NARF: variants seen among roughly 807,000 people sequenced by gnomAD.
NARF encodes the protein nuclear prelamin A recognition factor.
In NARF, 41 loss-of-function variants were observed where a neutral mutation model predicts 48.0. The ratio of observed to expected loss-of-function variants is 0.85; its 90% confidence interval spans 0.66 to 1.11. NARF has a LOEUF of 1.11. Among genes scored for constraint, NARF ranks in the 50% least tolerant of loss-of-function variants. The probability of loss-of-function intolerance (pLI) is 0.00; values close to 1 mark genes in which losing one functional copy is unlikely to be tolerated. For synonymous variants in NARF, 215 were observed against 225.5 expected (o/e 0.95, Z 0.42); for missense variants, 613 against 590.2 (o/e 1.04, Z -0.40).
Position 82,488,561 on chromosome 17 carries a change from G to C in NARF, c.*404G>C, listed in dbSNP as rs1269103100. The C allele has an allele frequency of 5.7e-6, 1 of 174,322 alleles. No individual in the cohort carries two copies. Among genetic ancestry groups the C allele is most frequent in the African/African-American group, 2.4e-5 (1 of 41,974 alleles). 10.8% of individuals were successfully genotyped at this position (174,322 alleles called of 1,614,324 possible). The stretch of plus-strand genomic sequence containing the variant: ...AGCTAATTTTTGTATTTTTAGTAGA[G>C]ATGGGGTTTCACTATGTTGGCCAGG... On this transcript the variant is annotated 3_prime_UTR_variant, in exon 11 of 11. Coordinates refer to ENST00000309794, the MANE Select transcript of NARF (RefSeq NM_012336.4).
intron 3 of NARF, among the ~76,000 whole-genome samples, 189 bp downstream of exon 3, chr17:82,464,619 C>T (rs1265093885): frequency 2.6e-5 from 4 of 152,218 alleles, no homozygotes; most frequent in African/African-American, 9.6e-5. Context: ...CGCACAATTT[C>T]CTGCTCCCTT....
At chr17:82,483,630 G>A in intron 7 of NARF, 86 bp from the exon 8 acceptor site, 2 of 1,273,592 alleles carry the variant, frequency 1.6e-6, no homozygotes, top group Non-Finnish European at 2.3e-6. Context: ...GTCACCCAGG[G>A]TCACTAATGT....
chr17:82,471,871 C>T (rs1046766405), intron 4 of NARF, among the ~76,000 whole-genome samples: 1 of 151,188 alleles, frequency 6.6e-6, no homozygotes, highest in Non-Finnish European at 1.5e-5. Flanking sequence ...AGAACCATCA[C>T]AGACTGAAAT....
intron 7 of NARF, chr17:82,481,694 C>T (rs1305088208): frequency 2.5e-6 from 1 of 402,850 alleles, no homozygotes; most frequent in Non-Finnish European, 4.8e-6. Flanking sequence ...CGCGCCATTA[C>T]CCTCCAGCCT....
At position 82,490,514 on chromosome 17, in the gene NARF, T is replaced by G. The variant is rs2044176666; in HGVS notation, c.*2357T>G. On this transcript the variant is annotated 3_prime_UTR_variant, in exon 11 of 11. Coordinates refer to ENST00000309794, the MANE Select transcript of NARF (RefSeq NM_012336.4). ...TACAGTTGGGTTTCCAACCTCTGAT[T>G]CTGGAATAAACAGTTGCAGCGTGTC... is the stretch of plus-strand genomic sequence containing the variant. 6.6e-6 allele frequency: 1 copy of G among 152,288 alleles called. No homozygotes were observed. Among genetic ancestry groups the G allele is most frequent in the Non-Finnish European group, 1.5e-5 (1 of 68,054 alleles). The allele number at this position is 152,288 out of a possible 1,614,324, so 9.4% of individuals were successfully genotyped here.
At chr17:82,471,986 TGA>T (rs1484749061) in intron 4 of NARF, among the ~76,000 whole-genome samples, 2 of 151,996 alleles carry the variant, frequency 1.3e-5, no homozygotes, top group African/African-American at 4.8e-5. Flanking sequence ...GGAAGAAGCA[TGA>T]GAGAGAACAT....
chr17:82,484,063 C>T (rs1334569212), intron 8 of NARF: 7 of 392,758 alleles, frequency 1.8e-5, no homozygotes, highest in South Asian at 2.9e-5. Context: ...GCTTTGTCCT[C>T]GCTGGCGCAG....
intron 5 of NARF, 31 bp downstream of exon 5, chr17:82,472,729 T>G (rs559526729): frequency 6.3e-7 from 1 of 1,593,280 alleles, no homozygotes; most frequent in African/African-American, 1.4e-5. Flanking sequence ...TCTGTTGGCC[T>G]GAGGTGCCAA....
At chr17:82,464,496 G>C in intron 3 of NARF, 66 bp downstream of exon 3, 1 of 1,544,334 alleles carries the variant, frequency 6.5e-7, no homozygotes. Context: ...GTGAGGCCTG[G>C]CTTCCTGCAC....
chr17:82,483,367 T>G, intron 7 of NARF: 1 of 305,664 alleles, frequency 3.3e-6, no homozygotes, highest in Non-Finnish European at 6.5e-6. Flanking sequence ...CCTATCTCTG[T>G]GAGCTTGTTA....
intron 4 of NARF, among the ~76,000 whole-genome samples, chr17:82,472,252 G>T (rs1034335725): frequency 6.6e-6 from 1 of 152,172 alleles, no homozygotes; most frequent in Non-Finnish European, 1.5e-5. Flanking sequence ...GGAGGCCAAG[G>T]TGGGTAGATC....
rs72859134 is a variant in NARF, at chr17:82,477,868, A to G, written c.521-932A>G. On this transcript the variant is annotated intron_variant, in intron 5 of 10. Coordinates refer to ENST00000309794, the MANE Select transcript of NARF (RefSeq NM_012336.4). ...GTGTCTCTGTGGGTGTTTCCTGAGC[A>G]CACACGGGCGTCTTTATAGGTGAAA... The G allele has an allele frequency of 5.1e-3, 775 of 152,286 alleles. 4 individuals carry two copies. Among genetic ancestry groups the G allele is most frequent in the Non-Finnish European group, 8.7e-3 (594 of 68,052 alleles). 9.4% of individuals were successfully genotyped at this position (152,286 alleles called of 1,614,324 possible).
chr17:82,482,331 TG>T (rs753631875), intron 7 of NARF: 8 of 315,510 alleles, frequency 2.5e-5, no homozygotes, highest in African/African-American at 1.5e-4. Context: ...GCAGGGGTGT[TG>T]AAGGATGAGG....
chr17:82,478,809 G>A lies in NARF; in HGVS notation c.530G>A (p.Arg177Gln), dbSNP rs776636178. 4.3e-6 allele frequency: 7 copies of A among 1,613,578 alleles called. No individual in the cohort carries two copies. In the South Asian group the frequency reaches 6.6e-5, roughly 15 times the overall value. ...TCCCTTCTCTCCCCAGGCTGGGTCC[G>A]ATACGCCGAGCGGGTGCTGGGTCGC... ...MLTSACPGWV[R>Q]YAERVLGRPI... The change falls in exon 6 of 11, where the codon CGA (arginine) becomes CAA (glutamine). Residue 177 changes from arginine to glutamine, a missense_variant. Transcript: ENST00000309794.
intron 10 of NARF, 122 bp from the exon 11 acceptor site, chr17:82,487,794 C>CAG: frequency 2.0e-6 from 1 of 503,422 alleles, no homozygotes; most frequent in East Asian, 6.1e-5. Context: ...CGCCCAATCT[C>CAG]TACAAAAAAT....
At chr17:82,477,398 G>GGCCA (rs1467444536) in intron 5 of NARF, among the ~76,000 whole-genome samples, 3 of 151,822 alleles carry the variant, frequency 2.0e-5, no homozygotes, top group Non-Finnish European at 4.4e-5. Flanking sequence ...CAGCTGCTTG[G>GGCCA]GAGGCTGAGG....
In NARF at chr17:82,458,747, G is replaced by A; in HGVS notation, c.-57G>A. On this transcript the variant is annotated 5_prime_UTR_variant, in exon 1 of 11. Coordinates refer to ENST00000309794, the MANE Select transcript of NARF (RefSeq NM_012336.4). ...GCGGGCGGCGGGCAGTGGTGTCCCA[G>A]TCTCCCGGTGCTTCCCTGAGGCTGA... 4 of 1,475,266 alleles carry A rather than the reference G, an allele frequency of 2.7e-6. No individual in the cohort carries two copies. Among genetic ancestry groups the A allele is most frequent in the Non-Finnish European group, 3.6e-6 (4 of 1,119,882 alleles). The allele number at this position is 1,475,266 out of a possible 1,614,324, so 91.4% of individuals were successfully genotyped here. A position where few individuals can be genotyped will look rare whatever the true frequency, so the allele number is the denominator to read the frequency against.
chr17:82,481,011 G>A, intron 6 of NARF, 71 bp from the exon 7 acceptor site: 1 of 1,593,404 alleles, frequency 6.3e-7, no homozygotes, highest in Admixed American at 1.7e-5. Context: ...CATCCCTCTT[G>A]TTCTGGGCAC....
At chr17:82,485,473 A>G in intron 9 of NARF, 24 bp from the exon 10 acceptor site, 3 of 1,612,384 alleles carry the variant, frequency 1.9e-6, no homozygotes, top group Non-Finnish European at 2.5e-6. Context: ...TGATGGATCA[A>G]AATTCTCTGT....
Sources: allele counts gnomAD v4.1 joint callset (sites outside exome capture counted in the v4.1 genomes callset), GRCh38; gene constraint gnomAD v4.1.1; transcripts MANE v1.5; gene names NCBI Gene and HGNC (gene_info 2026-07-23, HGNC 2026-07-21).